The following MRPL53 variants were observed in gnomAD, a reference collection of about 807,000 sequenced individuals.
The protein encoded by MRPL53 is mitochondrial ribosomal protein L53.
Under a neutral mutation model 7.5 loss-of-function variants are expected in MRPL53, and 7 were observed. The ratio of observed to expected loss-of-function variants is 0.93; its 90% CI spans 0.53 to 1.75. MRPL53 has a LOEUF of 1.75. MRPL53 is among the 40% of genes most tolerant of loss of function. The probability of loss-of-function intolerance (pLI) is 0.00; values close to 1 mark genes in which losing one functional copy is unlikely to be tolerated. For missense variants in MRPL53, 185 were observed against 159.0 expected (o/e 1.16, Z -0.88); for synonymous variants, 84 against 64.4 (o/e 1.30, Z -1.46).
At chr2:74,472,506 G>T in intron 1 of MRPL53, 36 bp from the exon 2 acceptor site, 1 of 1,613,470 alleles carries the variant, frequency 6.2e-7, no homozygotes, top group Non-Finnish European at 8.5e-7. Context: ...CAAGCTGAGG[G>T]CTTAAAGCCC....
rs1208570176 is a variant in MRPL53 at position 74,472,200 on chromosome 2, C to A, written c.258G>T (p.Met86Ile). The part of the protein sequence containing the change: ...MRGAHLTALE[M>I]LTAFASHIRA... ...GGATGTGGGAGGCGAAGGCGGTGAGCATTTCCAGAGCGGTGAGATGAGCGC... is the reference window on the plus strand; with the variant it reads ...GGATGTGGGAGGCGAAGGCGGTGAGAATTTCCAGAGCGGTGAGATGAGCGC... The change falls in exon 3 of 3, where the codon ATG becomes ATT. Residue 86 changes from methionine (M) to isoleucine (I), a missense_variant. By Grantham distance (10) the Met-to-Ile change is conservative. Coordinates refer to ENST00000258105, the MANE Select transcript of MRPL53 (RefSeq NM_053050.5). 6.8e-6 allele frequency: 11 copies of A among 1,614,048 alleles called. No individual in the cohort carries two copies. Among genetic ancestry groups the A allele is most frequent in the Non-Finnish European group, 9.3e-6 (11 of 1,180,046 alleles).
At chr2:74,472,322 T>C (rs754763476) in intron 2 of MRPL53, 36 bp downstream of exon 2, 1 of 1,612,128 alleles carries the variant, frequency 6.2e-7, no homozygotes, top group East Asian at 2.2e-5. Context: ...CGCGGGCTGC[T>C]CGCTGTTCCC....
rs553484653 is a variant in MRPL53, at chr2:74,472,432, G to A, written c.131C>T (p.Ser44Phe). The A allele has an allele frequency of 1.9e-5, 31 of 1,613,962 alleles. No individual in the cohort carries two copies. Among genetic ancestry groups the A allele is most frequent in the Non-Finnish European group, 2.6e-5 (31 of 1,179,896 alleles). ...AATCACTGAGCAGTTGAGATTAGTG[G>A]AGCGGACCTTCTCACTGCTCACCGT... Reference protein sequence around the residue: ...LQTVSSEKVRSTNLNCSVIAD... With the variant: ...LQTVSSEKVRFTNLNCSVIAD... The change falls in exon 2 of 3, where the codon TCC becomes TTC. Residue 44 changes from serine to phenylalanine, a missense_variant. Ser to Phe is a radical substitution (Grantham distance 155, BLOSUM62 -2). Transcript: ENST00000258105.
chr2:74,472,430 T>A lies in MRPL53; in HGVS notation c.133A>T (p.Thr45Ser), dbSNP rs751976686. ...QTVSSEKVRS[T>S]NLNCSVIADV... Reference sequence around the variant, plus strand: ...GCAATCACTGAGCAGTTGAGATTAGTGGAGCGGACCTTCTCACTGCTCACC... The same window carrying A: ...GCAATCACTGAGCAGTTGAGATTAGAGGAGCGGACCTTCTCACTGCTCACC... Residue 45 changes from threonine to serine, a missense_variant, in exon 2 of 3, where the codon ACT becomes TCT. Thr to Ser is a moderately conservative substitution (Grantham distance 58). Transcript: ENST00000258105. 33 of 1,613,792 alleles carry A rather than the reference T, an allele frequency of 2.0e-5. No individual in the cohort carries two copies. The highest frequency in any genetic ancestry group is 1.9e-4 in the African/African-American group (14 of 74,906).
At chr2:74,472,531 C>G (rs1202933054) in intron 1 of MRPL53, 38 bp downstream of exon 1, 1 of 1,613,174 alleles carries the variant, frequency 6.2e-7, no homozygotes, top group Non-Finnish European at 8.5e-7. Context: ...TGAAGGAAGG[C>G]GCACCACTTC....
chr2:74,472,619 T>A lies in MRPL53; in HGVS notation c.42A>T (p.Lys14Asn), dbSNP rs183536546. The change falls in exon 1 of 3, where the codon AAA becomes AAT. Residue 14 changes from lysine (K) to asparagine (N), a missense_variant. By Grantham distance (94) the Lys-to-Asn change is moderately conservative (BLOSUM62 0). Transcript: ENST00000258105. Reference sequence around the variant, plus strand: ...AGGGACAGAACTGAACCCGAACCTGTTTGACAGGCCGCAGACCAAGCCGAG... The same window carrying A: ...AGGGACAGAACTGAACCCGAACCTGATTGACAGGCCGCAGACCAAGCCGAG... ...ALARLGLRPV[K>N]QVRVQFCPFE... The A allele has an allele frequency of 4.0e-5, 64 of 1,614,232 alleles. No individual in the cohort carries two copies. The highest frequency in any genetic ancestry group is 2.3e-4 in the South Asian group (21 of 91,086).
intron 1 of MRPL53, 41 bp from the exon 2 acceptor site, chr2:74,472,511 A>T: frequency 1.2e-6 from 2 of 1,613,804 alleles, no homozygotes; most frequent in Non-Finnish European, 1.7e-6. Flanking sequence ...TGAGGGCTTA[A>T]AGCCCCGGCT....
chr2:74,472,678 A>C lies in MRPL53; in HGVS notation c.-18T>G, dbSNP rs1672212345. 6.2e-7 allele frequency: 1 copy of C among 1,613,918 alleles called. No individual in the cohort carries two copies. The highest frequency in any genetic ancestry group is 1.1e-5 in the South Asian group (1 of 91,086). On this transcript the variant is annotated 5_prime_UTR_variant, in exon 1 of 3. Coordinates refer to ENST00000258105, the MANE Select transcript of MRPL53 (RefSeq NM_053050.5). ...GCTGCCATGGTGACCTCCGCCCCGGAAGAACTCGTGCAGGCGGAAGTGTCG... is the reference window on the plus strand; with the variant it reads ...GCTGCCATGGTGACCTCCGCCCCGGCAGAACTCGTGCAGGCGGAAGTGTCG...
Position 74,472,147 on chromosome 2 carries a change from TC to T in MRPL53, c.310del (p.Asp104ThrfsTer50). On this transcript the variant is annotated frameshift_variant, in exon 3 of 3. Transcript: ENST00000258105. LOFTEE classifies it high-confidence loss of function. ...IRARDAAGSG[D>X]KPGADTGR ...GCGACCAGTATCAGCGCCCGGCTTG[TC>T]CCCGCTGCCCGCCGCGTCCCTGGCC... The T allele has an allele frequency of 6.2e-7, 1 of 1,614,148 alleles. No homozygotes were observed. Among genetic ancestry groups the T allele is most frequent in the Middle Eastern group, 1.7e-4 (1 of 6,044 alleles).
At chr2:74,472,335 C>A in intron 2 of MRPL53, 23 bp downstream of exon 2, 2 of 1,612,804 alleles carry the variant, frequency 1.2e-6, no homozygotes, top group Non-Finnish European at 1.7e-6. Context: ...CTGTTCCCTC[C>A]TGCCCGTCTC....
chr2:74,472,092 A>G lies in MRPL53; in HGVS notation c.*27T>C. 1 of 1,612,310 alleles carries G rather than the reference A, an allele frequency of 6.2e-7. No homozygotes were observed. The highest frequency in any genetic ancestry group is 2.2e-5 in the East Asian group (1 of 44,834). ...GTTAAGTGTCCTAGTCCACGCTAAA[A>G]TCATCTTGTTGGTCTCTTTGGCGCT... On this transcript the variant is annotated 3_prime_UTR_variant, in exon 3 of 3. Coordinates refer to ENST00000258105, the MANE Select transcript of MRPL53 (RefSeq NM_053050.5).
chr2:74,472,449 G>C lies in MRPL53; in HGVS notation c.114C>G (p.Ser38Arg). ...ESTRTFLQTVSSEKVRSTNLN... is the reference protein window; with the variant it reads ...ESTRTFLQTVRSEKVRSTNLN... ...GATTAGTGGAGCGGACCTTCTCACT[G>C]CTCACCGTCTGCAGGAAGGTCCTAC... Residue 38 changes from serine (S) to arginine (R), a missense_variant, in exon 2 of 3, where the codon AGC becomes AGG. Ser to Arg is a moderately radical substitution (Grantham distance 110). Transcript: ENST00000258105. 6.2e-7 allele frequency: 1 copy of C among 1,613,964 alleles called. No homozygotes were observed. Among genetic ancestry groups the C allele is most frequent in the Non-Finnish European group, 8.5e-7 (1 of 1,179,874 alleles).
chr2:74,472,007 A>T lies in MRPL53; in HGVS notation c.*112T>A. The T allele has an allele frequency of 7.0e-7, 1 of 1,432,874 alleles. No individual in the cohort carries two copies. Among genetic ancestry groups the T allele is most frequent in the Non-Finnish European group, 9.5e-7 (1 of 1,052,824 alleles). 88.8% of individuals were successfully genotyped at this position (1,432,874 alleles called of 1,614,324 possible). On this transcript the variant is annotated 3_prime_UTR_variant, in exon 3 of 3. Coordinates refer to ENST00000258105, the MANE Select transcript of MRPL53 (RefSeq NM_053050.5). ...TTGTGGTAGCAGGGTTTTAAACTTTATTTTGCGCTCCGTGACCCTTCAGAT... is the reference window on the plus strand; with the variant it reads ...TTGTGGTAGCAGGGTTTTAAACTTTTTTTTGCGCTCCGTGACCCTTCAGAT...
rs777492410 is a variant in MRPL53, at chr2:74,472,345, C to T, written c.205+13G>A. On this transcript the variant is annotated intron_variant, in intron 2 of 2. Transcript: ENST00000258105. ...GCTCGCTGTTCCCTCCTGCCCGTCTCCACCAAGCCCACCGAACAGCACGTC... is the reference window on the plus strand; with the variant it reads ...GCTCGCTGTTCCCTCCTGCCCGTCTTCACCAAGCCCACCGAACAGCACGTC... The T allele has an allele frequency of 1.2e-6, 2 of 1,613,284 alleles. No homozygotes were observed. Among genetic ancestry groups the T allele is most frequent in the East Asian group, 4.5e-5 (2 of 44,854 alleles).
In MRPL53 at chr2:74,472,022, AC is replaced by A. The variant is rs1416725869; in HGVS notation, c.*96del. 1.3e-6 allele frequency: 2 copies of A among 1,511,456 alleles called. No individual in the cohort carries two copies. The highest frequency in any genetic ancestry group is 4.5e-5 in the East Asian group (2 of 44,026). The allele number at this position is 1,511,456 out of a possible 1,614,324, so 93.6% of individuals were successfully genotyped here. On this transcript the variant is annotated 3_prime_UTR_variant, in exon 3 of 3. Transcript: ENST00000258105. ...TTTAAACTTTATTTTGCGCTCCGTGACCCTTCAGATAGTGATTTGAATGATT... is the reference window on the plus strand; with the variant it reads ...TTTAAACTTTATTTTGCGCTCCGTGACCTTCAGATAGTGATTTGAATGATT...
rs765932036 is a variant in MRPL53, at chr2:74,472,637, A to C, written c.24T>G (p.Leu8=). 6.2e-7 allele frequency: 1 copy of C among 1,614,246 alleles called. No homozygotes were observed. The highest frequency in any genetic ancestry group is 8.5e-7 in the Non-Finnish European group (1 of 1,180,044). ...GAACCTGTTTGACAGGCCGCAGACC[A>C]AGCCGAGCCAAGGCAGCTGCCATGG... MAAALAR[L]GLRPVKQVRV... is the part of the protein sequence containing the mutation. The change falls in exon 1 of 3, where the codon CTT becomes CTG. Residue 8 remains leucine (L), a synonymous_variant. Transcript: ENST00000258105.
At position 74,472,459 on chromosome 2, in the gene MRPL53, T is replaced by C. The variant is rs1307432311; in HGVS notation, c.104A>G (p.Gln35Arg). The change falls in exon 2 of 3, where the codon CAG becomes CGG. Residue 35 changes from glutamine (Q) to arginine (R), a missense_variant. Gln to Arg is a conservative substitution (Grantham distance 43). Coordinates refer to ENST00000258105, the MANE Select transcript of MRPL53 (RefSeq NM_053050.5). ...KNVESTRTFL[Q>R]TVSSEKVRST... ...GCGGACCTTCTCACTGCTCACCGTC[T>C]GCAGGAAGGTCCTACGGTGGAAAAA... is the stretch of plus-strand genomic sequence containing the variant. 1.2e-6 allele frequency: 2 copies of C among 1,613,916 alleles called. No homozygotes were observed. The highest frequency in any genetic ancestry group is 1.3e-5 in the African/African-American group (1 of 74,934).
rs150499635 is a variant in MRPL53, at chr2:74,472,642, G to C, written c.19C>G (p.Arg7Gly). The C allele has an allele frequency of 8.1e-5, 130 of 1,614,258 alleles. No individual in the cohort carries two copies. The highest frequency in any genetic ancestry group is 4.9e-4 in the Middle Eastern group (3 of 6,062). MAAALA[R>G]LGLRPVKQVR... ...TGTTTGACAGGCCGCAGACCAAGCC[G>C]AGCCAAGGCAGCTGCCATGGTGACC... The change falls in exon 1 of 3, where the codon CGG becomes GGG. Residue 7 changes from arginine (R) to glycine (G), a missense_variant. By Grantham distance (125) the Arg-to-Gly change is moderately radical. Transcript: ENST00000258105.
chr2:74,472,670 C>G lies in MRPL53; in HGVS notation c.-10G>C. 2 of 1,614,228 alleles carry G rather than the reference C, an allele frequency of 1.2e-6. No individual in the cohort carries two copies. The highest frequency in any genetic ancestry group is 1.7e-6 in the Non-Finnish European group (2 of 1,180,016). ...CCAAGGCAGCTGCCATGGTGACCTCCGCCCCGGAAGAACTCGTGCAGGCGG... is the reference window on the plus strand; with the variant it reads ...CCAAGGCAGCTGCCATGGTGACCTCGGCCCCGGAAGAACTCGTGCAGGCGG... On this transcript the variant is annotated 5_prime_UTR_variant, in exon 1 of 3. Transcript: ENST00000258105.
Sources: gnomAD v4.1 joint callset for allele counts on GRCh38, gnomAD v4.1.1 for gene constraint, MANE v1.5 for transcripts, NCBI Gene and HGNC (gene_info 2026-07-23, HGNC 2026-07-21) for gene names.